PTPRD: variants seen among roughly 807,000 people sequenced by gnomAD.
PTPRD encodes protein tyrosine phosphatase receptor type D.
A neutral mutation model predicts 214.5 loss-of-function variants in PTPRD; 34 were observed. The ratio of observed to expected loss-of-function variants is 0.16; its 90% confidence interval spans 0.12 to 0.21. The LOEUF (loss-of-function observed/expected upper bound fraction) is 0.21. Among genes scored for constraint, PTPRD ranks in the 10% least tolerant of loss-of-function variants. The pLI is 1.00. For synonymous variants in PTPRD, 1,128 were observed against 845.7 expected (o/e 1.33, Z -5.79); for missense variants, 2,545 against 2,398.7 (o/e 1.06, Z -1.27).
intron 4 of PTPRD, among the ~76,000 whole-genome samples, chr9:9,945,678 T>C (rs2092443831): frequency 6.6e-6 from 1 of 152,148 alleles, no homozygotes; most frequent in African/African-American, 2.4e-5. Flanking sequence ...GTAATCAAGA[T>C]AATTTAAGAG....
At chr9:9,655,955 G>T (rs902712484) in intron 7 of PTPRD, among the ~76,000 whole-genome samples, 95 of 152,090 alleles carry the variant, frequency 6.2e-4, no homozygotes, top group Admixed American at 6.0e-3. Context: ...TCCAGCGGGG[G>T]CAACACAGTG....
chr9:9,422,585 C>A (rs1370158558), intron 8 of PTPRD, among the ~76,000 whole-genome samples: 1 of 152,102 alleles, frequency 6.6e-6, no homozygotes, highest in African/African-American at 2.4e-5. Flanking sequence ...CTCCTTGGGA[C>A]ATGAGCTATT....
intron 35 of PTPRD, among the ~76,000 whole-genome samples, chr9:8,421,144 T>A (rs960066029): frequency 1.3e-5 from 2 of 152,184 alleles, no homozygotes; most frequent in South Asian, 4.1e-4. Flanking sequence ...ACTTGATAAA[T>A]GATATCTCTC....
intron 11 of PTPRD, among the ~76,000 whole-genome samples, chr9:8,914,644 C>T (rs925304616): frequency 6.6e-6 from 1 of 152,032 alleles, no homozygotes; most frequent in Non-Finnish European, 1.5e-5. Flanking sequence ...TGAGGGCTGA[C>T]AATGTAACTA....
intron 3 of PTPRD, among the ~76,000 whole-genome samples, chr9:10,170,825 A>G (rs1259411864): frequency 2.0e-5 from 3 of 152,214 alleles, no homozygotes; most frequent in Non-Finnish European, 1.5e-5. Context: ...TAGCAATTGT[A>G]TATCATCACA....
At chr9:9,689,474 TTTTA>T (rs1323581063) in intron 7 of PTPRD, among the ~76,000 whole-genome samples, 4 of 151,964 alleles carry the variant, frequency 2.6e-5, no homozygotes, top group East Asian at 1.9e-4. Context: ...AATATTTATC[TTTTA>T]TTTATGTTGT....
At chr9:9,915,904 C>T (rs2080624601) in intron 5 of PTPRD, among the ~76,000 whole-genome samples, 1 of 151,978 alleles carries the variant, frequency 6.6e-6, no homozygotes. Context: ...AACAGGTCTA[C>T]TCCAAGGCGC....
At chr9:8,892,009 C>T (rs2098543737) in intron 11 of PTPRD, among the ~76,000 whole-genome samples, 2 of 152,110 alleles carry the variant, frequency 1.3e-5, no homozygotes, top group South Asian at 4.2e-4. Context: ...CTTATTCGTT[C>T]ACATACTCTC....
chr9:9,135,396 C>G (rs1188685979), intron 10 of PTPRD, among the ~76,000 whole-genome samples: 1 of 152,086 alleles, frequency 6.6e-6, no homozygotes, highest in Non-Finnish European at 1.5e-5. Flanking sequence ...ATAAAACAGC[C>G]CAAATCGATG....
intron 11 of PTPRD, among the ~76,000 whole-genome samples, chr9:8,957,266 A>G (rs2099136229): frequency 6.6e-6 from 1 of 151,836 alleles, no homozygotes; most frequent in Non-Finnish European, 1.5e-5. Context: ...CTACTCCTCC[A>G]GAAAAACACT....
At chr9:8,877,990 G>A (rs1287669705) in intron 11 of PTPRD, among the ~76,000 whole-genome samples, 7 of 152,180 alleles carry the variant, frequency 4.6e-5, no homozygotes, top group Admixed American at 4.6e-4. Context: ...TTCCTTGGCT[G>A]TTGACAATCC....
At chr9:8,693,643 C>T (rs1434263) in intron 12 of PTPRD, among the ~76,000 whole-genome samples, 175 of 152,320 alleles carry the variant, frequency 1.1e-3, no homozygotes, top group African/African-American at 4.0e-3. Context: ...TGAGAAATCG[C>T]TCTCTGGTTA....
chr9:9,439,616 GCC>G (rs1247564105), intron 8 of PTPRD, among the ~76,000 whole-genome samples: 1 of 152,112 alleles, frequency 6.6e-6, no homozygotes, highest in Non-Finnish European at 1.5e-5. Flanking sequence ...TCCATTAAAA[GCC>G]AAGAAAAGTG....
intron 7 of PTPRD, among the ~76,000 whole-genome samples, chr9:9,671,642 C>G (rs1179263861): frequency 1.3e-5 from 2 of 152,052 alleles, no homozygotes; most frequent in East Asian, 3.9e-4. Context: ...GGCAGTTTCC[C>G]CCATACTGTT....
intron 11 of PTPRD, among the ~76,000 whole-genome samples, chr9:8,968,183 T>C (rs1256427178): frequency 1.3e-5 from 2 of 152,148 alleles, no homozygotes; most frequent in Non-Finnish European, 2.9e-5. Context: ...GTTCCAAGTC[T>C]TTGCTATTGT....
chr9:9,841,583 G>A (rs58296037), intron 5 of PTPRD, among the ~76,000 whole-genome samples: 15,021 of 152,020 alleles, frequency 0.099, 2,265 homozygotes, highest in East Asian at 0.74. Context: ...GCGATAGAAC[G>A]GCCCTTAGAA....
At chr9:9,875,420 T>A (rs1269375927) in intron 5 of PTPRD, among the ~76,000 whole-genome samples, 1 of 152,028 alleles carries the variant, frequency 6.6e-6, no homozygotes, top group Non-Finnish European at 1.5e-5. Context: ...GCTGGATAAT[T>A]TCAAGAACAT....
chr9:8,348,425 A>T (rs192085058), intron 39 of PTPRD, among the ~76,000 whole-genome samples: 1 of 152,072 alleles, frequency 6.6e-6, no homozygotes, highest in Non-Finnish European at 1.5e-5. Context: ...TATGACCAAC[A>T]ACTTGGTTTT....
chr9:9,315,296 C>A (rs1159612376), intron 9 of PTPRD, among the ~76,000 whole-genome samples: 2 of 151,896 alleles, frequency 1.3e-5, no homozygotes, highest in Non-Finnish European at 1.5e-5. Flanking sequence ...AGGGGAGTTA[C>A]AACTTATTGA....
Sources: allele counts gnomAD v4.1 joint callset (sites outside exome capture counted in the v4.1 genomes callset), GRCh38; gene constraint gnomAD v4.1.1; transcripts MANE v1.5; gene names NCBI Gene and HGNC (gene_info 2026-07-23, HGNC 2026-07-21).